Variants in KCNIP3 observed in about 807,000 individuals in gnomAD.
KCNIP3 encodes potassium voltage-gated channel interacting protein 3.
A neutral mutation model predicts 35.0 loss-of-function variants in KCNIP3; 28 were observed. That is an observed-to-expected ratio of 0.80 (90% CI 0.59 to 1.10). KCNIP3 has a LOEUF of 1.10. KCNIP3 is among the 50% of genes least tolerant of loss of function. KCNIP3 has a pLI of 0.00. For missense variants in KCNIP3, 295 were observed against 338.4 expected (o/e 0.87, Z 1.01); for synonymous variants, 134 against 133.8 (o/e 1.00, Z -0.01).
intron 2 of KCNIP3, among the ~76,000 whole-genome samples, chr2:95,353,009 C>G (rs1481037287): frequency 6.6e-6 from 1 of 152,248 alleles, no homozygotes; most frequent in Non-Finnish European, 1.5e-5. Context: ...AAACCTGGCA[C>G]TCTATCCCAA....
At chr2:95,371,803 A>C (rs1680047534) in intron 2 of KCNIP3, among the ~76,000 whole-genome samples, 1 of 148,960 alleles carries the variant, frequency 6.7e-6, no homozygotes, top group African/African-American at 2.5e-5. Flanking sequence ...TTTTATTTTA[A>C]ATCTTTTTTT....
At position 95,370,124 on chromosome 2, in the gene KCNIP3, CT is replaced by C. The variant is rs374402035; in HGVS notation, c.182-4170del. Among the ~76,000 whole-genome samples, 935 of 152,052 alleles carry C rather than the reference CT, an allele frequency of 6.1e-3. 10 individuals are homozygous for C. Among genetic ancestry groups the C allele is most frequent in the African/African-American group, 0.022 (900 of 41,462 alleles). On this transcript the variant is annotated intron_variant, in intron 2 of 8. Coordinates refer to ENST00000295225, the MANE Select transcript of KCNIP3 (RefSeq NM_013434.5). ...CAAAAGTCTAATAATTCTGCTTATC[CT>C]TCATCTCTTTATTATGGTCACATTT...
intron 2 of KCNIP3, among the ~76,000 whole-genome samples, chr2:95,315,443 G>A (rs939853041): frequency 6.6e-6 from 1 of 152,144 alleles, no homozygotes; most frequent in African/African-American, 2.4e-5. Flanking sequence ...GCGCCCCTTG[G>A]AGGGCACTTG....
intron 2 of KCNIP3, chr2:95,355,057 G>C (rs553063517): frequency 6.6e-6 from 1 of 152,398 alleles, no homozygotes; most frequent in South Asian, 2.1e-4. Context: ...TCATCGACGA[G>C]GAAACTGAGG....
chr2:95,371,690 G>T (rs1680045570), intron 2 of KCNIP3, among the ~76,000 whole-genome samples: 1 of 151,916 alleles, frequency 6.6e-6, no homozygotes, highest in Non-Finnish European at 1.5e-5. Context: ...GTATTTTAAA[G>T]CTCTGTTACT....
chr2:95,366,061 G>A (rs1294571128), intron 2 of KCNIP3, among the ~76,000 whole-genome samples: 1 of 151,932 alleles, frequency 6.6e-6, no homozygotes, highest in Non-Finnish European at 1.5e-5. Context: ...AGCTCATGGC[G>A]GCCTTGAACT....
chr2:95,309,428 C>CTTT (rs397734932), intron 1 of KCNIP3, among the ~76,000 whole-genome samples: 4 of 140,800 alleles, frequency 2.8e-5, no homozygotes, highest in Admixed American at 7.0e-5. Context: ...TGGCCCACTG[C>CTTT]TTTTTTTTTT....
intron 2 of KCNIP3, among the ~76,000 whole-genome samples, chr2:95,343,842 G>A (rs1345436659): frequency 3.9e-5 from 6 of 152,176 alleles, no homozygotes; most frequent in African/African-American, 1.4e-4. Context: ...TTCCAGCCAT[G>A]GTTGTGACCT....
At position 95,384,141 on chromosome 2, in the gene KCNIP3, A is replaced by G; in HGVS notation, c.*92A>G. 1.9e-6 allele frequency: 2 copies of G among 1,054,056 alleles called. No homozygotes were observed. Among genetic ancestry groups the G allele is most frequent in the Non-Finnish European group, 3.0e-6 (2 of 672,446 alleles). 65.3% of individuals were successfully genotyped at this position (1,054,056 alleles called of 1,614,324 possible). Reference sequence around the variant, plus strand: ...GCAGCCTCCAAGAAACTTTTAAAAAATAGATTTGCAAAAAGTGAACAGATT... The same window carrying G: ...GCAGCCTCCAAGAAACTTTTAAAAAGTAGATTTGCAAAAAGTGAACAGATT... On this transcript the variant is annotated 3_prime_UTR_variant, in exon 9 of 9. Transcript: ENST00000295225.
At chr2:95,373,265 C>T (rs1258619619) in intron 2 of KCNIP3, among the ~76,000 whole-genome samples, 1 of 152,062 alleles carries the variant, frequency 6.6e-6, no homozygotes, top group East Asian at 1.9e-4. Context: ...CTGTTTCAGC[C>T]CTAGCTTTAT....
At chr2:95,325,740 TACAC>T (rs1206985054) in intron 2 of KCNIP3, among the ~76,000 whole-genome samples, 2 of 145,746 alleles carry the variant, frequency 1.4e-5, no homozygotes, top group Middle Eastern at 3.6e-3. Context: ...TACACACTCA[TACAC>T]ACGCACTCAT....
At position 95,308,594 on chromosome 2, in the gene KCNIP3, C is replaced by T. The variant is rs189408516; in HGVS notation, c.16-1761C>T. On this transcript the variant is annotated intron_variant, in intron 1 of 8. Coordinates refer to ENST00000295225, the MANE Select transcript of KCNIP3 (RefSeq NM_013434.5). ...CAGAGACCAGTGGGGGTGCCAGGCC[C>T]ATGCCTCGGGAGAGGGGCCAGCCTT... is the stretch of plus-strand genomic sequence containing the variant. 1.3e-4 allele frequency among the ~76,000 whole-genome samples: 20 copies of T among 152,328 alleles called. No individual in the cohort carries two copies. In the East Asian group the frequency reaches 3.7e-3, roughly 28 times the overall value.
intron 2 of KCNIP3, among the ~76,000 whole-genome samples, chr2:95,326,278 TACACATACACACTCATTAC>T (rs1678785440): frequency 6.6e-6 from 1 of 151,188 alleles, no homozygotes; most frequent in African/African-American, 2.4e-5. Flanking sequence ...ATACACTCAC[TACACATACACACTCATTAC>T]ACACATACAC....
chr2:95,324,145 G>A (rs1217480343), intron 2 of KCNIP3, among the ~76,000 whole-genome samples: 6 of 152,268 alleles, frequency 3.9e-5, no homozygotes, highest in African/African-American at 1.4e-4. Context: ...GACTTAGTCA[G>A]TGAACTAAAC....
chr2:95,345,693 C>T (rs1406874677), intron 2 of KCNIP3, among the ~76,000 whole-genome samples: 1 of 152,246 alleles, frequency 6.6e-6, no homozygotes, highest in Non-Finnish European at 1.5e-5. Flanking sequence ...GCCCACAGTG[C>T]GCCGCGCCCG....
At chr2:95,346,931 T>G in intron 2 of KCNIP3, 2 of 713,806 alleles carry the variant, frequency 2.8e-6, no homozygotes, top group Non-Finnish European at 4.0e-6. Context: ...CGAGAGGCCG[T>G]GCGGGCTGCA....
At position 95,297,493 on chromosome 2, in the gene KCNIP3, TC is replaced by T. The variant is rs112957151; in HGVS notation, c.15+41del. 1.7e-3 allele frequency: 260 copies of T among 155,400 alleles called. 11 individuals are homozygous for T. The highest frequency in any genetic ancestry group is 2.2e-3 in the Admixed American group (22 of 9,812). 9.6% of individuals were successfully genotyped at this position (155,400 alleles called of 1,614,324 possible). ...AATGGGGTCTTGCTCTGGAGGGGGG[TC>T]GGGGGGAGGAATGGAGGCTTCTGGG... is the stretch of plus-strand genomic sequence containing the variant. On this transcript the variant is annotated intron_variant, in intron 1 of 8. Coordinates refer to ENST00000295225, the MANE Select transcript of KCNIP3 (RefSeq NM_013434.5).
At chr2:95,358,643 C>T (rs1028316325) in intron 2 of KCNIP3, among the ~76,000 whole-genome samples, 7 of 152,108 alleles carry the variant, frequency 4.6e-5, no homozygotes, top group African/African-American at 1.2e-4. Context: ...AAGTATAAGA[C>T]GGAGGGGCTG....
intron 1 of KCNIP3, among the ~76,000 whole-genome samples, chr2:95,304,441 G>C (rs770034808): frequency 2.0e-5 from 3 of 152,188 alleles, no homozygotes; most frequent in Non-Finnish European, 4.4e-5. Flanking sequence ...GAGAATGGCA[G>C]TGGGGAGCTG....
Sources: allele counts gnomAD v4.1 joint callset (sites outside exome capture counted in the v4.1 genomes callset), GRCh38; gene constraint gnomAD v4.1.1; transcripts MANE v1.5; gene names NCBI Gene and HGNC (gene_info 2026-07-23, HGNC 2026-07-21).